DLG2: variants seen among roughly 807,000 people sequenced by gnomAD.
DLG2 encodes the protein discs large MAGUK scaffold protein 2.
DLG2 carries 45 observed loss-of-function variants against 132.5 expected under a neutral mutation model. That is an observed-to-expected ratio of 0.34 (90% CI 0.27 to 0.44). The LOEUF (loss-of-function observed/expected upper bound fraction) is 0.44, where lower values mean the gene tolerates loss of function less well. DLG2 is among the 20% of genes least tolerant of loss of function. The pLI is 1.00. For synonymous variants in DLG2, 424 were observed against 419.6 expected (o/e 1.01, Z -0.13); for missense variants, 1,045 against 1,196.9 (o/e 0.87, Z 1.87).
At chr11:84,365,497 A>G (rs1312313662) in intron 7 of DLG2, among the ~76,000 whole-genome samples, 5 of 151,552 alleles carry the variant, frequency 3.3e-5, no homozygotes, top group Admixed American at 1.3e-4. Context: ...AGGGTTTTTT[A>G]TGTCTCTATT....
chr11:85,151,876 G>C (rs538505408), intron 5 of DLG2, among the ~76,000 whole-genome samples: 6 of 152,228 alleles, frequency 3.9e-5, no homozygotes, highest in Non-Finnish European at 8.8e-5. Flanking sequence ...TAGTGTCTCG[G>C]AACTAACGCT....
At chr11:84,000,991 C>T (rs191376409) in intron 11 of DLG2, among the ~76,000 whole-genome samples, 18 of 151,766 alleles carry the variant, frequency 1.2e-4, no homozygotes, top group Admixed American at 8.5e-4. Context: ...AGAAAGCTAC[C>T]AAACCAAAAT....
At chr11:84,127,168 C>T (rs1226752370) in intron 9 of DLG2, among the ~76,000 whole-genome samples, 3 of 152,114 alleles carry the variant, frequency 2.0e-5, no homozygotes, top group Admixed American at 1.3e-4. Context: ...TTGTGATACA[C>T]GTTAGAAGGT....
At chr11:84,296,055 G>A (rs1348407037) in intron 7 of DLG2, among the ~76,000 whole-genome samples, 4 of 152,188 alleles carry the variant, frequency 2.6e-5, no homozygotes, top group Non-Finnish European at 5.9e-5. Flanking sequence ...TTCTACATCA[G>A]TTTAGTCAAT....
intron 6 of DLG2, among the ~76,000 whole-genome samples, chr11:85,073,534 G>T (rs922453362): frequency 6.6e-6 from 1 of 151,906 alleles, no homozygotes; most frequent in South Asian, 2.1e-4. Context: ...GTGTCTTCTT[G>T]CCCACTCATA....
At chr11:85,238,233 ATT>A (rs2075696002) in intron 4 of DLG2, among the ~76,000 whole-genome samples, 1 of 141,858 alleles carries the variant, frequency 7.0e-6, no homozygotes, top group Non-Finnish European at 1.5e-5. Flanking sequence ...TTATTTATTT[ATT>A]TATTTATTTA....
rs543258047 is a variant in DLG2 at position 84,273,080 on chromosome 11, T to C, written c.520-21789A>G. The C allele has an allele frequency of 2.5e-4, 315 of 1,279,178 alleles. 2 individuals carry two copies. The Middle Eastern group carries it at 3.9e-3, about 16-fold the overall frequency. 79.2% of individuals were successfully genotyped at this position (1,279,178 alleles called of 1,614,324 possible). A position where few individuals can be genotyped will look rare whatever the true frequency, so the allele number is the denominator to read the frequency against. ...TGCACAGAATTTATACATTTCTCTA[T>C]AGATACAACAGGAGAAAAAGGAAGA... On this transcript the variant is annotated intron_variant, in intron 7 of 27. Coordinates refer to ENST00000376104, the MANE Select transcript of DLG2 (RefSeq NM_001142699.3).
intron 6 of DLG2, among the ~76,000 whole-genome samples, chr11:84,574,974 T>A (rs1324328986): frequency 6.6e-6 from 1 of 152,102 alleles, no homozygotes; most frequent in Non-Finnish European, 1.5e-5. Context: ...AGATCATCCC[T>A]CCTCACAATG....
chr11:85,412,123 T>G (rs986505533), intron 3 of DLG2, among the ~76,000 whole-genome samples: 1 of 151,816 alleles, frequency 6.6e-6, no homozygotes, highest in Non-Finnish European at 1.5e-5. Flanking sequence ...CCCATGTCAT[T>G]CCCCTGGTGA....
intron 5 of DLG2, among the ~76,000 whole-genome samples, chr11:85,146,227 C>CTCTCTCTCTCTCTCT (rs1555384682): frequency 2.9e-4 from 38 of 129,202 alleles, no homozygotes; most frequent in South Asian, 7.7e-4. Context: ...TCTGTTTCTC[C>CTCTCTCTCTCTCTCT]CTCTCTCTCT....
chr11:85,031,851 T>C (rs1201312832), intron 6 of DLG2, among the ~76,000 whole-genome samples: 1 of 152,028 alleles, frequency 6.6e-6, no homozygotes, highest in African/African-American at 2.4e-5. Flanking sequence ...TAGCAGTATC[T>C]TGGCTCACTG....
intron 18 of DLG2, among the ~76,000 whole-genome samples, chr11:83,642,923 T>G (rs891976946): frequency 2.0e-5 from 3 of 152,092 alleles, no homozygotes; most frequent in Non-Finnish European, 4.4e-5. Context: ...CAACAGCAGT[T>G]GTAAATGGCA....
chr11:84,702,996 G>A (rs2059366103), intron 6 of DLG2, among the ~76,000 whole-genome samples: 1 of 151,584 alleles, frequency 6.6e-6, no homozygotes, highest in African/African-American at 2.4e-5. Flanking sequence ...TTCCTACAGA[G>A]ATTTCATGCC....
chr11:84,864,655 T>C (rs929375440), intron 6 of DLG2, among the ~76,000 whole-genome samples: 1 of 152,148 alleles, frequency 6.6e-6, no homozygotes, highest in Non-Finnish European at 1.5e-5. Context: ...AACATATGTA[T>C]AATATTCAGG....
chr11:84,716,798 A>T (rs1313916029), intron 6 of DLG2, among the ~76,000 whole-genome samples: 1 of 151,798 alleles, frequency 6.6e-6, no homozygotes, highest in Non-Finnish European at 1.5e-5. Flanking sequence ...ATGAGAACTT[A>T]AGGTTAGATG....
chr11:84,970,424 G>A (rs1420854429), intron 6 of DLG2, among the ~76,000 whole-genome samples: 1 of 152,012 alleles, frequency 6.6e-6, no homozygotes, highest in African/African-American at 2.4e-5. Flanking sequence ...GTCCATTTGG[G>A]CTGCCATAAC....
At chr11:85,075,748 T>G (rs1206718270) in intron 6 of DLG2, among the ~76,000 whole-genome samples, 2 of 151,748 alleles carry the variant, frequency 1.3e-5, no homozygotes, top group Admixed American at 6.6e-5. Flanking sequence ...ACTCTTACAC[T>G]CTCAGAAAAT....
intron 8 of DLG2, among the ~76,000 whole-genome samples, chr11:84,213,288 T>C (rs1200064667): frequency 6.6e-6 from 1 of 152,128 alleles, no homozygotes; most frequent in African/African-American, 2.4e-5. Context: ...TAGTTATCTG[T>C]GTATGAGCCT....
chr11:84,339,636 C>T (rs1176412401), intron 7 of DLG2, among the ~76,000 whole-genome samples: 2 of 152,168 alleles, frequency 1.3e-5, no homozygotes, highest in Non-Finnish European at 2.9e-5. Context: ...GGAGTCTGGA[C>T]TCTGTGGTGT....
Sources: gnomAD v4.1 joint callset for allele counts (sites outside exome capture counted in the v4.1 genomes callset) on GRCh38, gnomAD v4.1.1 for gene constraint, MANE v1.5 for transcripts, NCBI Gene and HGNC (gene_info 2026-07-23, HGNC 2026-07-21) for gene names.